STRBP: variants seen among roughly 807,000 people sequenced by gnomAD.
STRBP encodes spermatid perinuclear RNA binding protein.
A neutral mutation model predicts 80.1 loss-of-function variants in STRBP; 13 were observed. The ratio of observed to expected loss-of-function variants is 0.16; its 90% confidence interval spans 0.11 to 0.26. The LOEUF is 0.26. STRBP is among the 10% of genes least tolerant of loss of function. STRBP has a pLI of 1.00. For missense variants in STRBP, 485 were observed against 815.2 expected (o/e 0.59, Z 4.93); for synonymous variants, 284 against 291.2 (o/e 0.98, Z 0.25).
At chr9:123,134,267 G>A (rs376812348) in intron 16 of STRBP, among the ~76,000 whole-genome samples, 3 of 152,308 alleles carry the variant, frequency 2.0e-5, no homozygotes, top group East Asian at 3.9e-4. Flanking sequence ...GCCTCAAAGC[G>A]TACTCTATGA....
chr9:123,179,295 A>G, intron 3 of STRBP, 68 bp from the exon 4 acceptor site: 1 of 1,379,682 alleles, frequency 7.2e-7, no homozygotes, highest in South Asian at 1.3e-5. Flanking sequence ...ATGATATACA[A>G]CTATATCTTT....
At chr9:123,185,166 T>G (rs1206906303) in intron 2 of STRBP, among the ~76,000 whole-genome samples, 1 of 151,974 alleles carries the variant, frequency 6.6e-6, no homozygotes, top group East Asian at 1.9e-4. Flanking sequence ...GAGGACATAA[T>G]TTACATACCA....
chr9:123,113,629 C>A, intron 3 of STRBP: 1 of 167,334 alleles, frequency 6.0e-6, no homozygotes. Flanking sequence ...GTGCATTGAG[C>A]CAGTGCTCAC....
intron 2 of STRBP, among the ~76,000 whole-genome samples, chr9:123,215,760 G>GGA (rs768541873): frequency 2.6e-5 from 4 of 152,098 alleles, no homozygotes; most frequent in Non-Finnish European, 5.9e-5. Context: ...CTCCAGCCTG[G>GGA]GAGACAAGAG....
intron 3 of STRBP, chr9:123,114,980 T>G (rs186791734): frequency 3.5e-4 from 125 of 355,070 alleles, no homozygotes; most frequent in African/African-American, 2.1e-3. Flanking sequence ...CAACAGCCTC[T>G]TGCTCATCAG....
At chr9:123,154,160 T>C (rs1280974501) in intron 11 of STRBP, among the ~76,000 whole-genome samples, 1 of 152,216 alleles carries the variant, frequency 6.6e-6, no homozygotes, top group African/African-American at 2.4e-5. Context: ...AGAATGCTCA[T>C]GGCAACACGG....
At chr9:123,121,058 A>C (rs1374461757), downstream of STRBP, among the ~76,000 whole-genome samples, 1 of 152,176 alleles carries the variant, frequency 6.6e-6, no homozygotes, top group Non-Finnish European at 1.5e-5. Context: ...GTTCACTTGT[A>C]CCCAGAAGAG....
chr9:123,208,745 C>A (rs2039609103), intron 2 of STRBP, among the ~76,000 whole-genome samples: 1 of 152,186 alleles, frequency 6.6e-6, no homozygotes, highest in South Asian at 2.1e-4. Context: ...TAGCCACATA[C>A]TTCTAGTATT....
At chr9:123,187,951 A>G (rs561988111) in intron 2 of STRBP, among the ~76,000 whole-genome samples, 16 of 129,850 alleles carry the variant, frequency 1.2e-4, no homozygotes, top group African/African-American at 5.2e-4. Flanking sequence ...TGCATTCACC[A>G]TTACAGTATC....
At chr9:123,233,424 C>T (rs1037844649) in intron 2 of STRBP, among the ~76,000 whole-genome samples, 2 of 152,102 alleles carry the variant, frequency 1.3e-5, no homozygotes, top group Non-Finnish European at 2.9e-5. Flanking sequence ...GTATCAAACT[C>T]CAGCTAATTA....
chr9:123,125,014 T>A lies in STRBP; in HGVS notation c.*583A>T. On this transcript the variant is annotated 3_prime_UTR_variant, in exon 19 of 19. Transcript: ENST00000348403. ...CCTTGTAATTTGATACCAAAACATA[T>A]CAAAAATAATAAGCTAAAACAATAT... 11 of 985,442 alleles carry A rather than the reference T, an allele frequency of 1.1e-5. No homozygotes were observed. Among genetic ancestry groups the A allele is most frequent in the Non-Finnish European group, 1.3e-5 (11 of 829,578 alleles). 61.0% of individuals were successfully genotyped at this position (985,442 alleles called of 1,614,324 possible).
intron 16 of STRBP, among the ~76,000 whole-genome samples, chr9:123,134,170 ATTATAC>A (rs1193675090): frequency 1.3e-5 from 2 of 152,334 alleles, no homozygotes; most frequent in South Asian, 2.1e-4. Context: ...CAAATTGAAT[ATTATAC>A]TTATAGAAAT....
intron 1 of STRBP, among the ~76,000 whole-genome samples, chr9:123,253,389 C>T (rs899414905): frequency 6.6e-6 from 1 of 152,200 alleles, no homozygotes; most frequent in South Asian, 2.1e-4. Context: ...CTAACAAACT[C>T]AAATCCCCTT....
intron 2 of STRBP, among the ~76,000 whole-genome samples, chr9:123,200,682 C>T (rs10985901): frequency 2.2e-4 from 32 of 146,848 alleles, no homozygotes; most frequent in Non-Finnish European, 4.3e-4. Context: ...ATTCTCCTGT[C>T]TCAGCCTCCC....
At chr9:123,127,655 C>T (rs984433617) in intron 18 of STRBP, among the ~76,000 whole-genome samples, 5 of 152,210 alleles carry the variant, frequency 3.3e-5, no homozygotes, top group Non-Finnish European at 5.9e-5. Flanking sequence ...GCATGTACTA[C>T]AGACTTCCTG....
chr9:123,147,947 C>A, intron 11 of STRBP, 77 bp from the exon 12 acceptor site: 1 of 1,222,212 alleles, frequency 8.2e-7, no homozygotes, highest in South Asian at 1.5e-5. Flanking sequence ...CTAACATGTT[C>A]AGGTAGGAAA....
intron 11 of STRBP, among the ~76,000 whole-genome samples, chr9:123,150,750 A>C (rs1206543472): frequency 6.6e-6 from 1 of 152,100 alleles, no homozygotes; most frequent in Non-Finnish European, 1.5e-5. Context: ...AGGAGTCCAA[A>C]ACTAAGTTCA....
intron 3 of STRBP, 134 bp downstream of exon 3, chr9:123,183,998 G>A (rs754160387): frequency 6.6e-5 from 46 of 694,440 alleles, no homozygotes; most frequent in Non-Finnish European, 1.1e-4. Context: ...ATAGTAGAGT[G>A]CCATCTTTAT....
At chr9:123,137,568 C>T (rs1324249033) in intron 14 of STRBP, among the ~76,000 whole-genome samples, 2 of 152,148 alleles carry the variant, frequency 1.3e-5, no homozygotes, top group African/African-American at 2.4e-5. Flanking sequence ...CCACCACACC[C>T]GGCTAATTTT....
Sources: allele counts gnomAD v4.1 joint callset (sites outside exome capture counted in the v4.1 genomes callset), GRCh38; gene constraint gnomAD v4.1.1; transcripts MANE v1.5; gene names NCBI Gene and HGNC (gene_info 2026-07-23, HGNC 2026-07-21).